The following OTUD7A variants were observed in gnomAD, a reference collection of about 807,000 sequenced individuals.
OTUD7A encodes OTU domain-containing protein 7A.
In OTUD7A, 12 loss-of-function variants were observed where a neutral mutation model predicts 65.7. That is an observed-to-expected ratio of 0.18 (90% CI 0.12 to 0.30). The LOEUF is 0.30. OTUD7A is among the 10% of genes least tolerant of loss of function. OTUD7A has a pLI of 1.00. For missense variants in OTUD7A, 1,148 were observed against 1,304.8 expected (o/e 0.88, Z 1.85); for synonymous variants, 641 against 586.3 (o/e 1.09, Z -1.35).
At chr15:31,746,236 C>T (rs568544145) in intron 1 of OTUD7A, among the ~76,000 whole-genome samples, 1 of 152,090 alleles carries the variant, frequency 6.6e-6, no homozygotes, top group Non-Finnish European at 1.5e-5. Context: ...AAGACTTGTA[C>T]AAGAATGATT....
At chr15:31,816,709 A>G (rs369508412) in intron 1 of OTUD7A, among the ~76,000 whole-genome samples, 80 of 152,156 alleles carry the variant, frequency 5.3e-4, no homozygotes, top group African/African-American at 1.8e-3. Flanking sequence ...AATTAGAATC[A>G]CATGTTAAAC....
chr15:31,511,041 CATGTATATCTATATGTAACATACATATAT>C lies in OTUD7A; in HGVS notation c.894-7252_894-7224del, dbSNP rs1566892694. ...TACATGTATATCTATATGTAACATA[CATGTATATCTATATGTAACATACATATAT>C]ATGTATATCTATATGTAACATACAT... On this transcript the variant is annotated intron_variant, in intron 8 of 12. Transcript: ENST00000307050. Among the ~76,000 whole-genome samples the C allele has an allele frequency of 1.8e-3, 25 of 13,846 alleles. 7 individuals are homozygous for C. Among genetic ancestry groups the C allele is most frequent in the South Asian group, 4.2e-3 (5 of 1,200 alleles). 9.1% of individuals were successfully genotyped at this position (13,846 alleles called of 152,430 possible).
chr15:31,632,618 T>C (rs1393381748), intron 3 of OTUD7A, among the ~76,000 whole-genome samples: 2 of 152,252 alleles, frequency 1.3e-5, no homozygotes, highest in African/African-American at 2.4e-5. Flanking sequence ...TCTCCAGCTG[T>C]GTGCTGGGAG....
chr15:31,785,709 GT>G (rs1895654508), intron 1 of OTUD7A, among the ~76,000 whole-genome samples: 1 of 152,236 alleles, frequency 6.6e-6, no homozygotes, highest in Non-Finnish European at 1.5e-5. Flanking sequence ...ACTTGGGTCT[GT>G]TTGCAAAGCA....
intron 3 of OTUD7A, among the ~76,000 whole-genome samples, chr15:31,602,993 A>G (rs538246384): frequency 6.6e-6 from 1 of 152,348 alleles, no homozygotes; most frequent in Non-Finnish European, 1.5e-5. Context: ...GGAAGAAACA[A>G]TATCATGAAA....
chr15:31,669,526 C>T (rs1374884871), intron 1 of OTUD7A, among the ~76,000 whole-genome samples: 2 of 152,176 alleles, frequency 1.3e-5, no homozygotes, highest in African/African-American at 4.8e-5. Context: ...AAGTCTGTTT[C>T]CAGGCAGTGG....
chr15:31,815,754 C>T (rs1018865261), intron 1 of OTUD7A, among the ~76,000 whole-genome samples: 5 of 152,232 alleles, frequency 3.3e-5, no homozygotes, highest in Non-Finnish European at 5.9e-5. Context: ...TGGAATCCCA[C>T]GGGGGTTGTT....
In OTUD7A at chr15:31,675,921, G is replaced by T. The variant is rs560517212; in HGVS notation, c.-99-18844C>A. Among the ~76,000 whole-genome samples the T allele has an allele frequency of 7.2e-5, 11 of 152,316 alleles. No homozygotes were observed. The South Asian group carries it at 1.9e-3, about 26-fold the overall frequency. ...GAGAACTTCAATAAATGGATGGGAA[G>T]ACTATATTGGTAAGTTGCCAGTTCC... is the stretch of plus-strand genomic sequence containing the variant. On this transcript the variant is annotated intron_variant, in intron 1 of 12. Coordinates refer to ENST00000307050, the MANE Select transcript of OTUD7A (RefSeq NM_001382637.1).
At chr15:31,861,720 AT>A (rs1897746492) in intron 1 of OTUD7A, among the ~76,000 whole-genome samples, 1 of 151,972 alleles carries the variant, frequency 6.6e-6, no homozygotes, top group African/African-American at 2.4e-5. Flanking sequence ...TCTAGGACAT[AT>A]TTCCAAGGGA....
chr15:31,745,749 T>C (rs1351658144), intron 1 of OTUD7A, among the ~76,000 whole-genome samples: 2 of 151,604 alleles, frequency 1.3e-5, no homozygotes, highest in Admixed American at 6.6e-5. Flanking sequence ...AATAGACAAA[T>C]CCCCAAATGA....
intron 1 of OTUD7A, among the ~76,000 whole-genome samples, chr15:31,730,580 T>TATA: frequency 6.6e-6 from 1 of 152,252 alleles, no homozygotes; most frequent in African/African-American, 2.4e-5. Flanking sequence ...TCCTGGCGTA[T>TATA]ACACTGAAGT....
At chr15:31,855,850 T>A (rs1897558089) in intron 1 of OTUD7A, among the ~76,000 whole-genome samples, 1 of 152,334 alleles carries the variant, frequency 6.6e-6, no homozygotes, top group Admixed American at 6.5e-5. Flanking sequence ...TTCATAGGTT[T>A]CCCCTAATTT....
chr15:31,675,256 G>T (rs1892571341), intron 1 of OTUD7A, among the ~76,000 whole-genome samples: 1 of 152,134 alleles, frequency 6.6e-6, no homozygotes, highest in East Asian at 1.9e-4. Context: ...GGTTGTGGGG[G>T]TTATTAGGGT....
chr15:31,806,613 G>A (rs115953051), intron 1 of OTUD7A, among the ~76,000 whole-genome samples: 1 of 152,174 alleles, frequency 6.6e-6, no homozygotes, highest in South Asian at 2.1e-4. Flanking sequence ...GGTCCTGGGG[G>A]TCAAAGGCTG....
At chr15:31,845,828 C>A (rs2140999072) in intron 1 of OTUD7A, among the ~76,000 whole-genome samples, 1 of 152,380 alleles carries the variant, frequency 6.6e-6, no homozygotes, top group East Asian at 1.9e-4. Flanking sequence ...TGGAGTGCAA[C>A]CACAGACAAT....
intron 1 of OTUD7A, among the ~76,000 whole-genome samples, chr15:31,672,015 C>T (rs370437487): frequency 7.1e-4 from 108 of 152,230 alleles, no homozygotes; most frequent in Non-Finnish European, 1.1e-3. Context: ...TAAGAACACG[C>T]GGCATTTGGT....
intron 1 of OTUD7A, among the ~76,000 whole-genome samples, chr15:31,726,163 T>C (rs1429000346): frequency 6.6e-6 from 1 of 152,038 alleles, no homozygotes; most frequent in African/African-American, 2.4e-5. Context: ...TCCCTTGTAA[T>C]CTTATTCCCT....
intron 8 of OTUD7A, 144 bp downstream of exon 8, chr15:31,526,205 C>T (rs2141117342): frequency 1.1e-6 from 1 of 931,902 alleles, no homozygotes; most frequent in Non-Finnish European, 1.5e-6. Flanking sequence ...TGTCTTGAAG[C>T]TAATGCTGGA....
At chr15:31,597,454 G>A (rs1055024999) in intron 3 of OTUD7A, among the ~76,000 whole-genome samples, 4 of 151,832 alleles carry the variant, frequency 2.6e-5, no homozygotes, top group African/African-American at 7.3e-5. Context: ...CATGGTAGGA[G>A]GCAGAGCGTC....
Sources: allele counts gnomAD v4.1 joint callset (sites outside exome capture counted in the v4.1 genomes callset), GRCh38; gene constraint gnomAD v4.1.1; transcripts MANE v1.5; gene names NCBI Gene and HGNC (gene_info 2026-07-23, HGNC 2026-07-21).